The following STX3 variants were observed in gnomAD, a reference collection of about 807,000 sequenced individuals.
STX3 encodes the protein syntaxin 3.
STX3 carries 19 observed loss-of-function variants against 40.2 expected under a neutral mutation model. The ratio of observed to expected loss-of-function variants is 0.47; its 90% CI spans 0.33 to 0.69. The LOEUF is 0.69. STX3 is among the 30% of genes least tolerant of loss of function. The probability of loss-of-function intolerance (pLI) is 0.02; values close to 1 mark genes in which losing one functional copy is unlikely to be tolerated. For missense variants in STX3, 364 were observed against 366.7 expected, an observed-to-expected ratio of 0.99 and a Z score of 0.06; for synonymous variants, 122 against 132.2, an observed-to-expected ratio of 0.92 and a Z score of 0.53.
Position 59,804,711 on chromosome 11 carries a change from G to A in STX3, c.*3887G>A, listed in dbSNP as rs909150952. 6.6e-6 allele frequency: 1 copy of A among 152,104 alleles called. No individual in the cohort carries two copies. Among genetic ancestry groups the A allele is most frequent in the African/African-American group, 2.4e-5 (1 of 41,402 alleles). The allele number at this position is 152,104 out of a possible 1,614,324, so 9.4% of individuals were successfully genotyped here. Reference sequence around the variant, plus strand: ...GGCTCCAGGACTGTGGTTCAATAACGAAATACAGGCCCACAAAATAAAATA... The same window carrying A: ...GGCTCCAGGACTGTGGTTCAATAACAAAATACAGGCCCACAAAATAAAATA... On this transcript the variant is annotated 3_prime_UTR_variant, in exon 11 of 11. Coordinates refer to ENST00000337979, the MANE Select transcript of STX3 (RefSeq NM_004177.5).
chr11:59,789,055 T>G, intron 4 of STX3, 108 bp downstream of exon 4: 1 of 953,910 alleles, frequency 1.0e-6, no homozygotes, highest in Non-Finnish European at 1.6e-6. Context: ...GTGACACCAC[T>G]TGGTCCATCT....
intron 1 of STX3, among the ~76,000 whole-genome samples, chr11:59,758,861 C>T (rs1441218173): frequency 6.6e-6 from 1 of 152,196 alleles, no homozygotes; most frequent in African/African-American, 2.4e-5. Flanking sequence ...GTGTGCCAGT[C>T]CTTGTACTAG....
chr11:59,790,094 T>C (rs954448020), intron 4 of STX3, among the ~76,000 whole-genome samples: 6 of 152,234 alleles, frequency 3.9e-5, no homozygotes, highest in Non-Finnish European at 5.9e-5. Flanking sequence ...CAGATTCCAG[T>C]AATAACAGTG....
Position 59,755,498 on chromosome 11 carries a change from C to T in STX3, c.-108C>T. On this transcript the variant is annotated 5_prime_UTR_variant, in exon 1 of 11. Coordinates refer to ENST00000337979, the MANE Select transcript of STX3 (RefSeq NM_004177.5). Reference sequence around the variant, plus strand: ...CCGCCGCCTGCGCCTCCAGCTCCTTCGCCCCGGCGGGCCCGGCCGCCGCTT... The same window carrying T: ...CCGCCGCCTGCGCCTCCAGCTCCTTTGCCCCGGCGGGCCCGGCCGCCGCTT... 7.2e-7 allele frequency: 1 copy of T among 1,383,096 alleles called. No individual in the cohort carries two copies. 85.7% of individuals were successfully genotyped at this position (1,383,096 alleles called of 1,614,324 possible).
chr11:59,798,257 G>A (rs1444696583), intron 10 of STX3, among the ~76,000 whole-genome samples: 1 of 151,768 alleles, frequency 6.6e-6, no homozygotes, highest in Non-Finnish European at 1.5e-5. Flanking sequence ...TCCCAGCCTG[G>A]GGTGCAGTGG....
intron 4 of STX3, among the ~76,000 whole-genome samples, chr11:59,789,934 T>C (rs1363441929): frequency 6.6e-6 from 1 of 152,194 alleles, no homozygotes; most frequent in African/African-American, 2.4e-5. Flanking sequence ...TTTACTTAGT[T>C]CTGTTGCTAG....
At chr11:59,781,508 C>T (rs933242148) in intron 2 of STX3, 1 of 1,613,956 alleles carries the variant, frequency 6.2e-7, no homozygotes, top group Non-Finnish European at 8.5e-7. Context: ...CTTCAAACTT[C>T]TCTCCCAGGG....
Position 59,793,117 on chromosome 11 carries a change from A to T in STX3, c.485A>T (p.Asp162Val). The T allele has an allele frequency of 6.2e-7, 1 of 1,613,620 alleles. No homozygotes were observed. ...TACAAAGCTGGCAAAAAGACAACCGATGAGGAGCTGGAGGAGATGTTGGAG... is the reference window on the plus strand; with the variant it reads ...TACAAAGCTGGCAAAAAGACAACCGTTGAGGAGCTGGAGGAGATGTTGGAG... ...QLEITGKKTT[D>V]EELEEMLESG... Residue 162 changes from aspartate (D) to valine (V), a missense_variant, in exon 7 of 11, where the codon GAT (aspartate) becomes GTT (valine). By Grantham distance (152) the Asp-to-Val change is radical. Transcript: ENST00000337979.
chr11:59,804,564 T>C lies in STX3; in HGVS notation c.*3740T>C, dbSNP rs1565199091. 1 of 152,224 alleles carries C rather than the reference T, an allele frequency of 6.6e-6. No homozygotes were observed. The highest frequency in any genetic ancestry group is 1.5e-5 in the Non-Finnish European group (1 of 68,042). 9.4% of individuals were successfully genotyped at this position (152,224 alleles called of 1,614,324 possible). The stretch of plus-strand genomic sequence containing the variant: ...GCTTGGGAATGGGCTGATCTGCTTA[T>C]GCAAAAATGCTACCAACCTTTCAAA... On this transcript the variant is annotated 3_prime_UTR_variant, in exon 11 of 11. Transcript: ENST00000337979.
chr11:59,783,211 C>G (rs1864528022), intron 2 of STX3, among the ~76,000 whole-genome samples: 1 of 152,136 alleles, frequency 6.6e-6, no homozygotes, highest in Admixed American at 6.5e-5. Context: ...GGCAACTGAT[C>G]CATTCTCCCA....
intron 5 of STX3, 31 bp from the exon 6 acceptor site, chr11:59,792,076 G>C (rs768794519): frequency 6.4e-7 from 1 of 1,565,368 alleles, no homozygotes; most frequent in South Asian, 1.1e-5. Flanking sequence ...AGAACCACTG[G>C]GGCCTGACTG....
At position 59,767,751 on chromosome 11, in the gene STX3, A is replaced by G. The variant is rs1034356739; in HGVS notation, c.31-5460A>G. Among the ~76,000 whole-genome samples, 39 of 152,218 alleles carry G rather than the reference A, an allele frequency of 2.6e-4. 1 individual carries two copies. Among genetic ancestry groups the G allele is most frequent in the Non-Finnish European group, 2.5e-4 (17 of 68,032 alleles). On this transcript the variant is annotated intron_variant, in intron 1 of 10. Transcript: ENST00000337979. ...ATGGAAATCCAGAAACCTGGGTTCT[A>G]TTCCTTTCTGTGTCAGTAACTCATT...
intron 2 of STX3, among the ~76,000 whole-genome samples, chr11:59,779,968 C>A (rs540930482): frequency 6.6e-6 from 1 of 152,318 alleles, no homozygotes; most frequent in South Asian, 2.1e-4. Context: ...ATGACAATGA[C>A]CTACCAGGCA....
At chr11:59,784,437 A>C (rs1864622865) in intron 2 of STX3, among the ~76,000 whole-genome samples, 2 of 152,204 alleles carry the variant, frequency 1.3e-5, no homozygotes, top group African/African-American at 4.8e-5. Context: ...CATGAGTTCT[A>C]AGAGGGGCCA....
intron 10 of STX3, chr11:59,799,624 T>C: frequency 1.0e-6 from 1 of 983,298 alleles, no homozygotes; most frequent in Non-Finnish European, 1.2e-6. Flanking sequence ...ACTTGGCACA[T>C]AATACCATGC....
intron 3 of STX3, among the ~76,000 whole-genome samples, chr11:59,787,457 G>C (rs947242806): frequency 6.6e-6 from 1 of 152,080 alleles, no homozygotes; most frequent in African/African-American, 2.4e-5. Flanking sequence ...GCCTCTGCGT[G>C]TACTATTTCC....
chr11:59,762,963 A>G (rs140202001), intron 1 of STX3, among the ~76,000 whole-genome samples: 134 of 152,272 alleles, frequency 8.8e-4, no homozygotes, highest in African/African-American at 3.1e-3. Context: ...ATAAGCTTCC[A>G]TCTTCCCCAG....
intron 1 of STX3, among the ~76,000 whole-genome samples, chr11:59,765,998 C>G (rs750097928): frequency 2.6e-5 from 4 of 152,180 alleles, no homozygotes. Context: ...GCTGCCCCAC[C>G]GGCCCACAAA....
At chr11:59,799,242 A>AG (rs1865727562) in intron 10 of STX3, among the ~76,000 whole-genome samples, 1 of 152,236 alleles carries the variant, frequency 6.6e-6, no homozygotes, top group African/African-American at 2.4e-5. Flanking sequence ...TTGTTAAAAA[A>AG]AAACCTATAA....
Sources: gnomAD v4.1 joint callset for allele counts (sites outside exome capture counted in the v4.1 genomes callset) on GRCh38, gnomAD v4.1.1 for gene constraint, MANE v1.5 for transcripts, NCBI Gene and HGNC (gene_info 2026-07-23, HGNC 2026-07-21) for gene names.